The following TMEM38B variants were observed in gnomAD, a reference collection of about 807,000 sequenced individuals.
The protein encoded by TMEM38B is transmembrane protein 38B.
TMEM38B carries 24 observed loss-of-function variants against 28.7 expected under a neutral mutation model. The ratio of observed to expected loss-of-function variants is 0.84; its 90% confidence interval spans 0.61 to 1.18. The LOEUF is 1.18. Among genes scored for constraint, TMEM38B ranks in the 50% most tolerant of loss-of-function variants. The pLI, the probability that TMEM38B is intolerant of heterozygous loss-of-function variation, is 0.00. For missense variants in TMEM38B, 380 were observed against 350.9 expected, an observed-to-expected ratio of 1.08 and a Z score of -0.66; for synonymous variants, 131 against 127.7, an observed-to-expected ratio of 1.03 and a Z score of -0.17.
chr9:105,719,515 G>A (rs1460694065), intron 2 of TMEM38B, among the ~76,000 whole-genome samples: 2 of 152,148 alleles, frequency 1.3e-5, no homozygotes, highest in East Asian at 3.9e-4. Context: ...CCATTGGTCT[G>A]ATATGTTTAC....
chr9:105,767,619 A>G (rs10978236), intron 5 of TMEM38B, among the ~76,000 whole-genome samples: 17,299 of 152,058 alleles, frequency 0.11, 1,457 homozygotes, highest in East Asian at 0.46. Context: ...TTGGAGTACT[A>G]TTTTGTGGTC....
chr9:105,694,616 A>G lies in TMEM38B; in HGVS notation c.-45A>G. The stretch of plus-strand genomic sequence containing the variant: ...TACTCCTCACCGCGCGAGCGCGGGG[A>G]ACCAGTAGCCGCGGCTGCTTCGGTT... On this transcript the variant is annotated 5_prime_UTR_variant, in exon 1 of 6. Coordinates refer to ENST00000374692, the MANE Select transcript of TMEM38B (RefSeq NM_018112.3). The G allele has an allele frequency of 6.5e-7, 1 of 1,546,140 alleles. No individual in the cohort carries two copies. The highest frequency in any genetic ancestry group is 1.8e-4 in the Middle Eastern group (1 of 5,434).
chr9:105,728,124 G>C (rs1031647015), intron 4 of TMEM38B, among the ~76,000 whole-genome samples: 1 of 151,986 alleles, frequency 6.6e-6, no homozygotes, highest in Non-Finnish European at 1.5e-5. Context: ...TTAAGTTCTA[G>C]GGTACATGTG....
intron 5 of TMEM38B, chr9:105,749,166 A>C: frequency 8.1e-7 from 1 of 1,227,490 alleles, no homozygotes; most frequent in Non-Finnish European, 1.1e-6. Flanking sequence ...CAGTCCTCAA[A>C]TGTTGAGCCG....
intron 2 of TMEM38B, among the ~76,000 whole-genome samples, chr9:105,719,411 A>T (rs1009741128): frequency 6.6e-5 from 10 of 152,180 alleles, no homozygotes; most frequent in African/African-American, 2.4e-4. Flanking sequence ...CAGAAGGGTT[A>T]CAAGGTTATT....
Position 105,722,610 on chromosome 9 carries a change from G to A in TMEM38B, c.531G>A (p.Leu177=), listed in dbSNP as rs557664593. 6.2e-7 allele frequency: 1 copy of A among 1,613,234 alleles called. No individual in the cohort carries two copies. Among genetic ancestry groups the A allele is most frequent in the South Asian group, 1.1e-5 (1 of 91,062 alleles). ...GGAAACCAGAAGGTGATGAATGGCT[G>A]AAGATGTCATAGTAAGTTGGTATAA... ...GDWKPEGDEW[L]KMSYPAKVTL... is the part of the protein sequence containing the mutation. Residue 177 remains leucine (L), a synonymous_variant, in exon 4 of 6, where the codon CTG becomes CTA. Coordinates refer to ENST00000374692, the MANE Select transcript of TMEM38B (RefSeq NM_018112.3).
At chr9:105,771,649 T>A (rs1244481359) in intron 5 of TMEM38B, among the ~76,000 whole-genome samples, 2 of 152,144 alleles carry the variant, frequency 1.3e-5, no homozygotes, top group Non-Finnish European at 2.9e-5. Context: ...ATTGTAACTA[T>A]TTATTCTAAG....
intron 1 of TMEM38B, among the ~76,000 whole-genome samples, chr9:105,704,666 C>G (rs1033965619): frequency 6.6e-6 from 1 of 151,896 alleles, no homozygotes; most frequent in Non-Finnish European, 1.5e-5. Flanking sequence ...TGGCTCACGC[C>G]TGTAATTCCA....
At chr9:105,747,179 G>T (rs903302236) in intron 4 of TMEM38B, among the ~76,000 whole-genome samples, 1 of 152,180 alleles carries the variant, frequency 6.6e-6, no homozygotes, top group Non-Finnish European at 1.5e-5. Context: ...ACCTCTGGTA[G>T]AATTTGGCTG....
chr9:105,738,039 C>T (rs73668947), intron 4 of TMEM38B, among the ~76,000 whole-genome samples: 11,322 of 152,078 alleles, frequency 0.074, 936 homozygotes, highest in African/African-American at 0.21. Flanking sequence ...TGGAAGGGTA[C>T]AGTAGCTATT....
In TMEM38B at chr9:105,774,587, T is replaced by C. The variant is rs10978241; in HGVS notation, c.*507T>C. 19,197 of 151,986 alleles carry C rather than the reference T, an allele frequency of 0.13. 1,794 individuals carry two copies. The highest frequency in any genetic ancestry group is 0.46 in the East Asian group (2,396 of 5,156). The allele number at this position is 151,986 out of a possible 1,614,324, so 9.4% of individuals were successfully genotyped here. A position where few individuals can be genotyped will look rare whatever the true frequency, so the allele number is the denominator to read the frequency against. ...TTCCTAAAACACTTTATATTATAAATGAAAATAAATTGCTAGTTTATATTT... is the reference window on the plus strand; with the variant it reads ...TTCCTAAAACACTTTATATTATAAACGAAAATAAATTGCTAGTTTATATTT... On this transcript the variant is annotated 3_prime_UTR_variant, in exon 6 of 6. Coordinates refer to ENST00000374692, the MANE Select transcript of TMEM38B (RefSeq NM_018112.3).
chr9:105,756,424 A>C (rs13286237), intron 5 of TMEM38B, among the ~76,000 whole-genome samples: 35,610 of 152,024 alleles, frequency 0.23, 6,862 homozygotes, highest in African/African-American at 0.51. Context: ...TTCCTAGATG[A>C]CTTTTAGCAG....
intron 5 of TMEM38B, among the ~76,000 whole-genome samples, chr9:105,763,327 C>G (rs1838135388): frequency 6.6e-6 from 1 of 152,114 alleles, no homozygotes; most frequent in Non-Finnish European, 1.5e-5. Context: ...ACATGAAGTC[C>G]TTGCCCATGC....
intron 4 of TMEM38B, among the ~76,000 whole-genome samples, chr9:105,745,405 G>A (rs575828326): frequency 6.6e-6 from 1 of 152,212 alleles, no homozygotes; most frequent in African/African-American, 2.4e-5. Context: ...GTGTCAGTTC[G>A]TATCCTTCGC....
intron 4 of TMEM38B, among the ~76,000 whole-genome samples, chr9:105,725,282 C>G (rs1018344210): frequency 7.3e-5 from 11 of 151,040 alleles, no homozygotes; most frequent in African/African-American, 2.7e-4. Flanking sequence ...CCCCTTGGCT[C>G]CTCCTCCCAC....
chr9:105,695,802 G>A (rs978401742), intron 1 of TMEM38B, among the ~76,000 whole-genome samples: 1 of 152,162 alleles, frequency 6.6e-6, no homozygotes, highest in Non-Finnish European at 1.5e-5. Context: ...TTTCATTTAT[G>A]TTGAAGTTTG....
At chr9:105,730,618 T>A (rs1292218012) in intron 4 of TMEM38B, among the ~76,000 whole-genome samples, 15 of 152,226 alleles carry the variant, frequency 9.9e-5, no homozygotes, top group Non-Finnish European at 2.1e-4. Context: ...TTCTGTTGAT[T>A]AGAATAGTTT....
intron 4 of TMEM38B, among the ~76,000 whole-genome samples, chr9:105,745,448 T>G (rs2133613261): frequency 6.6e-6 from 1 of 152,340 alleles, no homozygotes; most frequent in Admixed American, 6.5e-5. Flanking sequence ...GTTTTTTTCT[T>G]GTAAATTTGT....
intron 2 of TMEM38B, among the ~76,000 whole-genome samples, chr9:105,709,686 T>C (rs1835824991): frequency 6.6e-6 from 1 of 152,204 alleles, no homozygotes; most frequent in Non-Finnish European, 1.5e-5. Context: ...CGAATATAAT[T>C]GGAATTTACC....
Sources: gnomAD v4.1 joint callset for allele counts (sites outside exome capture counted in the v4.1 genomes callset) on GRCh38, gnomAD v4.1.1 for gene constraint, MANE v1.5 for transcripts, NCBI Gene and HGNC (gene_info 2026-07-23, HGNC 2026-07-21) for gene names.